Variants in CAMKMT observed in about 807,000 individuals in gnomAD.
CAMKMT encodes the protein CaM KMT.
In CAMKMT, 53 loss-of-function variants were observed where a neutral mutation model predicts 48.0. The observed-to-expected ratio is 1.10, with a 90% CI of 0.89 to 1.39. The LOEUF is 1.39. Among genes scored for constraint, CAMKMT ranks in the 40% most tolerant of loss-of-function variants. CAMKMT has a pLI of 0.00. For synonymous variants in CAMKMT, 165 were observed against 152.3 expected, an observed-to-expected ratio of 1.08 and a Z score of -0.61; for missense variants, 428 against 402.7, an observed-to-expected ratio of 1.06 and a Z score of -0.54.
chr2:44,600,031 C>G (rs1480177858), intron 3 of CAMKMT, among the ~76,000 whole-genome samples: 1 of 151,998 alleles, frequency 6.6e-6, no homozygotes. Context: ...CTCATTCTAA[C>G]CTATCTTTAC....
In CAMKMT at chr2:44,736,601, T is replaced by C. The variant is rs182066824; in HGVS notation, c.624-7021T>C. The stretch of plus-strand genomic sequence containing the variant: ...AGCCATTATTTCTTCAAATATTTTT[T>C]CTGTTGTCTCCCTTCTCCTATTTTT... On this transcript the variant is annotated intron_variant, in intron 7 of 10. Transcript: ENST00000378494. Among the ~76,000 whole-genome samples the C allele has an allele frequency of 7.8e-3, 1,191 of 152,336 alleles. 8 individuals carry two copies. Among genetic ancestry groups the C allele is most frequent in the Middle Eastern group, 0.02 (6 of 294 alleles).
chr2:44,626,084 T>C (rs746185774), intron 3 of CAMKMT, among the ~76,000 whole-genome samples: 3 of 152,230 alleles, frequency 2.0e-5, no homozygotes, highest in Non-Finnish European at 4.4e-5. Context: ...TGGGATTGCA[T>C]TGAATTCATA....
intron 3 of CAMKMT, among the ~76,000 whole-genome samples, chr2:44,569,478 A>G (rs182474266): frequency 2.0e-5 from 3 of 152,226 alleles, no homozygotes; most frequent in Non-Finnish European, 4.4e-5. Flanking sequence ...TACATTCCCA[A>G]TCTGTGTACT....
intron 1 of CAMKMT, among the ~76,000 whole-genome samples, chr2:44,366,042 T>G (rs1408551414): frequency 6.6e-6 from 1 of 152,260 alleles, no homozygotes; most frequent in Non-Finnish European, 1.5e-5. Context: ...TTCAAATGTT[T>G]ATAGTTGGCT....
rs201021453 is a variant in CAMKMT, at chr2:44,382,700, C to T, written c.312-7541C>T. 2.5e-4 allele frequency among the ~76,000 whole-genome samples: 38 copies of T among 151,974 alleles called. No homozygotes were observed. The East Asian group carries it at 3.5e-3, about 14-fold the overall frequency. ...TTCACTGTGTTAGCCTGGATGGTCT[C>T]GATCTCCTGACCTGGTGATCCACCC... On this transcript the variant is annotated intron_variant, in intron 2 of 10. Transcript: ENST00000378494.
At chr2:44,436,071 T>A (rs1275286306) in intron 3 of CAMKMT, among the ~76,000 whole-genome samples, 3 of 152,054 alleles carry the variant, frequency 2.0e-5, no homozygotes, top group Non-Finnish European at 4.4e-5. Context: ...AACCAATTCT[T>A]TTTTTCTTTT....
chr2:44,593,398 G>A (rs1241389339), intron 3 of CAMKMT, among the ~76,000 whole-genome samples: 1 of 152,018 alleles, frequency 6.6e-6, no homozygotes, highest in East Asian at 1.9e-4. Flanking sequence ...AGATATGCTG[G>A]GTTCTAACTC....
chr2:44,728,699 C>T (rs936282825), intron 7 of CAMKMT, among the ~76,000 whole-genome samples: 6 of 152,114 alleles, frequency 3.9e-5, no homozygotes, highest in Non-Finnish European at 4.4e-5. Context: ...AATTTGTATG[C>T]ATAGAGTTGT....
intron 3 of CAMKMT, among the ~76,000 whole-genome samples, chr2:44,463,362 A>T (rs562637252): frequency 1.3e-5 from 2 of 152,248 alleles, no homozygotes; most frequent in African/African-American, 2.4e-5. Flanking sequence ...GAATAGTTCT[A>T]TTGAAAGAGA....
intron 1 of CAMKMT, among the ~76,000 whole-genome samples, chr2:44,362,484 C>G (rs1411356629): frequency 1.3e-5 from 2 of 151,024 alleles, no homozygotes; most frequent in Non-Finnish European, 2.9e-5. Flanking sequence ...TGCTCTTTTC[C>G]TGCTTCTGTT....
chr2:44,660,672 A>G (rs1674632580), intron 3 of CAMKMT, among the ~76,000 whole-genome samples: 1 of 152,216 alleles, frequency 6.6e-6, no homozygotes, highest in South Asian at 2.1e-4. Context: ...GCTGGAGTAC[A>G]GTGGCACAAT....
intron 7 of CAMKMT, among the ~76,000 whole-genome samples, chr2:44,736,996 A>T (rs1378183834): frequency 6.6e-6 from 1 of 152,056 alleles, no homozygotes; most frequent in Non-Finnish European, 1.5e-5. Flanking sequence ...TTGTCTTGTC[A>T]TTATGGTTTC....
Position 44,756,674 on chromosome 2 carries a change from G to A in CAMKMT, c.762+2556G>A, listed in dbSNP as rs76324982. On this transcript the variant is annotated intron_variant, in intron 9 of 10. Transcript: ENST00000378494. ...GGAGAATGGCGTGAACCCTGGAGGC[G>A]GAGCTTGCAGTGAGCCGAGATCACG... Among the ~76,000 whole-genome samples, 1,479 of 151,540 alleles carry A rather than the reference G, an allele frequency of 9.8e-3. 99 individuals are homozygous for A. In the East Asian group the frequency reaches 0.18, roughly 18 times the overall value.
At chr2:44,570,969 C>A (rs139103710) in intron 3 of CAMKMT, among the ~76,000 whole-genome samples, 1 of 151,900 alleles carries the variant, frequency 6.6e-6, no homozygotes, top group Non-Finnish European at 1.5e-5. Context: ...AAAAACACCA[C>A]GAAAAGTAAA....
intron 3 of CAMKMT, among the ~76,000 whole-genome samples, chr2:44,700,233 C>T (rs761562414): frequency 1.6e-4 from 25 of 152,194 alleles, no homozygotes; most frequent in African/African-American, 4.3e-4. Context: ...CTTAAGAGAA[C>T]GTTGTGGCTG....
chr2:44,530,509 G>GA (rs1164687609), intron 3 of CAMKMT, among the ~76,000 whole-genome samples: 1 of 152,138 alleles, frequency 6.6e-6, no homozygotes, highest in Non-Finnish European at 1.5e-5. Flanking sequence ...ATTTTATCTA[G>GA]AAAATCACTG....
chr2:44,528,447 T>G (rs1666289505), intron 3 of CAMKMT, among the ~76,000 whole-genome samples: 2 of 152,112 alleles, frequency 1.3e-5, no homozygotes, highest in Non-Finnish European at 2.9e-5. Flanking sequence ...CCCCCTTAAC[T>G]GCATTATTTC....
In CAMKMT at chr2:44,598,967, A is replaced by G. The variant is rs139162344; in HGVS notation, c.377-105316A>G. 4.5e-4 allele frequency among the ~76,000 whole-genome samples: 69 copies of G among 152,142 alleles called. 1 individual carries two copies. In the East Asian group the frequency reaches 0.013, roughly 28 times the overall value. On this transcript the variant is annotated intron_variant, in intron 3 of 10. Transcript: ENST00000378494. ...AGCTGTAATTACCTAAGAAAAGCAT[A>G]GCATTTTTGTCTGTGCAGGGCTCAC...
At chr2:44,673,122 A>C (rs1675429860) in intron 3 of CAMKMT, among the ~76,000 whole-genome samples, 1 of 152,054 alleles carries the variant, frequency 6.6e-6, no homozygotes, top group South Asian at 2.1e-4. Context: ...ACTTTGGGGC[A>C]ATGAGTGGTT....
Sources: gnomAD v4.1 joint callset for allele counts (sites outside exome capture counted in the v4.1 genomes callset) on GRCh38, gnomAD v4.1.1 for gene constraint, MANE v1.5 for transcripts, NCBI Gene and HGNC (gene_info 2026-07-23, HGNC 2026-07-21) for gene names.